SLC28A3: variants seen among roughly 807,000 people sequenced by gnomAD.
The protein encoded by SLC28A3 is solute carrier family 28 member 3, also known as concentrative Na(+)-nucleoside cotransporter 3.
SLC28A3 carries 68 observed loss-of-function variants against 84.2 expected under a neutral mutation model. The ratio of observed to expected loss-of-function variants is 0.81; its 90% confidence interval spans 0.66 to 0.99. SLC28A3 has a LOEUF of 0.99. SLC28A3 is among the 50% of genes least tolerant of loss of function. SLC28A3 has a pLI of 0.00. For synonymous variants in SLC28A3, 267 were observed against 303.6 expected (o/e 0.88, Z 1.25); for missense variants, 712 against 841.5 (o/e 0.85, Z 1.90).
chr9:84,278,027 G>A lies in SLC28A3; in HGVS notation c.*191C>T. The A allele has an allele frequency of 1.5e-6, 1 of 660,218 alleles. No individual in the cohort carries two copies. Among genetic ancestry groups the A allele is most frequent in the Non-Finnish European group, 2.4e-6 (1 of 408,804 alleles). The allele number at this position is 660,218 out of a possible 1,614,324, so 40.9% of individuals were successfully genotyped here. A position where few individuals can be genotyped will look rare whatever the true frequency, so the allele number is the denominator to read the frequency against. ...GCAGTTCTTGGTGGGGAAGGGGCTG[G>A]TGGGGAGGGAGGGGAGGAGGAAAAT... is the stretch of plus-strand genomic sequence containing the variant. On this transcript the variant is annotated 3_prime_UTR_variant, in exon 18 of 18. Transcript: ENST00000376238.
In SLC28A3 at chr9:84,287,175, A is replaced by C. The variant is rs141061058; in HGVS notation, c.1280+873T>G. On this transcript the variant is annotated intron_variant, in intron 12 of 17. Transcript: ENST00000376238. ...CCCTGTCAAAACAAACAAACAAACA[A>C]ACAAAAAAACAACATTGTGCAAGTC... 5.6e-4 allele frequency among the ~76,000 whole-genome samples: 84 copies of C among 150,704 alleles called. 1 individual carries two copies. Among genetic ancestry groups the C allele is most frequent in the Admixed American group, 9.8e-4 (15 of 15,244 alleles).
intron 1 of SLC28A3, among the ~76,000 whole-genome samples, chr9:84,323,034 T>A (rs370385057): frequency 1.3e-5 from 2 of 152,176 alleles, no homozygotes; most frequent in Non-Finnish European, 2.9e-5. Context: ...TTATTTATTT[T>A]TTTATATTTT....
Position 84,305,403 on chromosome 9 carries a change from T to C in SLC28A3, c.243-58A>G. On this transcript the variant is annotated intron_variant, in intron 3 of 17. Transcript: ENST00000376238. ...TAAACACCAAAAACATGAAATAAAC[T>C]GCATGGTGAGGCTAGATTAAGCTTT... The C allele has an allele frequency of 2.2e-6, 3 of 1,391,430 alleles. No homozygotes were observed. The East Asian group carries it at 6.9e-5, about 32-fold the overall frequency. The allele number at this position is 1,391,430 out of a possible 1,614,324, so 86.2% of individuals were successfully genotyped here.
chr9:84,350,329 C>CT, the SLC28A3 span, among the ~76,000 whole-genome samples: 2 of 152,040 alleles, frequency 1.3e-5, no homozygotes, highest in Non-Finnish European at 2.9e-5. Flanking sequence ...GTAATCCCAG[C>CT]TACTCGGGAG....
intron 1 of SLC28A3, among the ~76,000 whole-genome samples, chr9:84,336,698 TGC>T (rs749135877): frequency 1.3e-5 from 2 of 152,114 alleles, no homozygotes; most frequent in African/African-American, 2.4e-5. Context: ...ACAATTTGAC[TGC>T]GTAAATTCTG....
chr9:84,303,687 A>G (rs1431521106), intron 4 of SLC28A3, among the ~76,000 whole-genome samples: 1 of 151,858 alleles, frequency 6.6e-6, no homozygotes, highest in African/African-American at 2.4e-5. Flanking sequence ...GAGACCGCTG[A>G]CTCTGGAGTG....
intron 4 of SLC28A3, among the ~76,000 whole-genome samples, chr9:84,303,475 C>G (rs1306566061): frequency 6.6e-6 from 1 of 152,172 alleles, no homozygotes; most frequent in Non-Finnish European, 1.5e-5. Flanking sequence ...CATGTGCCAC[C>G]ACGCCCGGTT....
At chr9:84,364,315 G>A in the SLC28A3 span, among the ~76,000 whole-genome samples, 27 of 152,086 alleles carry the variant, frequency 1.8e-4, no homozygotes, top group East Asian at 2.1e-3. Flanking sequence ...TAGAGATGGG[G>A]TTTCGCCGTG....
intron 10 of SLC28A3, among the ~76,000 whole-genome samples, chr9:84,292,448 T>A (rs916523429): frequency 7.3e-6 from 1 of 136,414 alleles, no homozygotes; most frequent in Admixed American, 6.9e-5. Context: ...TCTCTCTGTG[T>A]CTCTCTGTCT....
upstream of SLC28A3, among the ~76,000 whole-genome samples, chr9:84,344,602 G>T (rs1040663773): frequency 1.3e-5 from 2 of 152,086 alleles, no homozygotes; most frequent in African/African-American, 2.4e-5. Context: ...ATGTTTCTTT[G>T]ACATATTTTG....
At chr9:84,334,915 C>T (rs969559335) in intron 1 of SLC28A3, among the ~76,000 whole-genome samples, 2 of 152,082 alleles carry the variant, frequency 1.3e-5, no homozygotes, top group South Asian at 4.1e-4. Context: ...TTCTACTTTC[C>T]CTTGACTTCT....
rs558587520 is a variant in SLC28A3 at position 84,295,033 on chromosome 9, A to G, written c.862-758T>C. On this transcript the variant is annotated intron_variant, in intron 8 of 17. Coordinates refer to ENST00000376238, the MANE Select transcript of SLC28A3 (RefSeq NM_001199633.2). ...ACAAACAGTAGCGGTTCTCCTCTCT[A>G]GCCTGCTGCCACTGGACTGCCCTGC... Among the ~76,000 whole-genome samples the G allele has an allele frequency of 3.9e-5, 6 of 152,186 alleles. 1 individual carries two copies. In the South Asian group the frequency reaches 1.2e-3, roughly 32 times the overall value.
chr9:84,310,851 C>G (rs1224582356), intron 2 of SLC28A3, among the ~76,000 whole-genome samples: 1 of 152,124 alleles, frequency 6.6e-6, no homozygotes, highest in Non-Finnish European at 1.5e-5. Flanking sequence ...AGCCAATAGT[C>G]AATGTTTGGT....
intron 1 of SLC28A3, among the ~76,000 whole-genome samples, chr9:84,323,236 C>T (rs1353987574): frequency 1.3e-5 from 2 of 152,186 alleles, no homozygotes; most frequent in South Asian, 2.1e-4. Flanking sequence ...GGCACCAGTA[C>T]ATTACCTGAA....
Position 84,294,285 on chromosome 9 carries a change from C to A in SLC28A3, c.862-10G>T. 1 of 1,613,906 alleles carries A rather than the reference C, an allele frequency of 6.2e-7. No individual in the cohort carries two copies. Among genetic ancestry groups the A allele is most frequent in the Non-Finnish European group, 8.5e-7 (1 of 1,179,826 alleles). ...CCACGATCGGCAGGACCTGTGGGGA[C>A]AGAAACAAACATGGATTAATGATGG... On this transcript the variant is annotated splice_polypyrimidine_tract_variant and intron_variant, in intron 8 of 17. Coordinates refer to ENST00000376238, the MANE Select transcript of SLC28A3 (RefSeq NM_001199633.2).
upstream of SLC28A3, among the ~76,000 whole-genome samples, chr9:84,343,744 C>T (rs1827207150): frequency 6.6e-6 from 1 of 152,180 alleles, no homozygotes; most frequent in African/African-American, 2.4e-5. Flanking sequence ...TTGTCTAAGG[C>T]TGCTATCATC....
At chr9:84,357,785 C>A in the SLC28A3 span, among the ~76,000 whole-genome samples, 3 of 152,136 alleles carry the variant, frequency 2.0e-5, no homozygotes, top group African/African-American at 4.8e-5. Flanking sequence ...GTGGGTCACA[C>A]AGCTAGAAAC....
rs535533929 is a variant in SLC28A3, at chr9:84,286,504, C to G, written c.1281-393G>C. ...GTCATGCTACATGGCACAGGCTGGT[C>G]TTGAACTTCTGGGCTTAAGCGATCC... On this transcript the variant is annotated intron_variant, in intron 12 of 17. Coordinates refer to ENST00000376238, the MANE Select transcript of SLC28A3 (RefSeq NM_001199633.2). Among the ~76,000 whole-genome samples the G allele has an allele frequency of 3.0e-5, 4 of 132,702 alleles. No homozygotes were observed. In the South Asian group the frequency reaches 9.9e-4, roughly 33 times the overall value. The allele number at this position is 132,702 out of a possible 152,430, so 87.1% of individuals were successfully genotyped here.
At chr9:84,323,552 G>A (rs1489411611) in intron 1 of SLC28A3, among the ~76,000 whole-genome samples, 2 of 151,924 alleles carry the variant, frequency 1.3e-5, no homozygotes, top group African/African-American at 4.8e-5. Context: ...AGCCTCCAGA[G>A]TAGCTGGGAG....
Sources: allele counts gnomAD v4.1 joint callset (sites outside exome capture counted in the v4.1 genomes callset), GRCh38; gene constraint gnomAD v4.1.1; transcripts MANE v1.5; gene names NCBI Gene and HGNC (gene_info 2026-07-23, HGNC 2026-07-21).